Variants in NRXN1 observed in about 807,000 individuals in gnomAD.
NRXN1 encodes the protein neurexin-1.
Under a neutral mutation model 150.9 loss-of-function variants are expected in NRXN1, and 39 were observed. The ratio of observed to expected loss-of-function variants is 0.26; its 90% CI spans 0.20 to 0.34. The LOEUF is 0.34. Ranked by LOEUF, NRXN1 falls within the 10% of genes least tolerant of loss-of-function variation. The pLI is 1.00. For synonymous variants in NRXN1, 924 were observed against 757.0 expected (o/e 1.22, Z -3.62); for missense variants, 1,815 against 1,949.9 (o/e 0.93, Z 1.30).
At chr2:50,520,860 T>C (rs2092768785) in intron 12 of NRXN1, among the ~76,000 whole-genome samples, 1 of 152,046 alleles carries the variant, frequency 6.6e-6, no homozygotes, top group Non-Finnish European at 1.5e-5. Context: ...AACACCTGCA[T>C]TATTTGATTT....
intron 21 of NRXN1, among the ~76,000 whole-genome samples, chr2:50,015,031 T>C (rs1356519504): frequency 6.6e-6 from 1 of 152,152 alleles, no homozygotes; most frequent in African/African-American, 2.4e-5. Context: ...TTTTAAGAGA[T>C]TTTGTTGTAT....
At chr2:50,394,496 A>T (rs993282330) in intron 17 of NRXN1, among the ~76,000 whole-genome samples, 10 of 151,960 alleles carry the variant, frequency 6.6e-5, no homozygotes, top group African/African-American at 2.2e-4. Context: ...CCACACCTCT[A>T]ATCTGTCGGC....
chr2:50,844,009 G>C (rs959904795), intron 5 of NRXN1, among the ~76,000 whole-genome samples: 2 of 152,070 alleles, frequency 1.3e-5, no homozygotes, highest in African/African-American at 4.8e-5. Context: ...CCACAGCCTG[G>C]TCTAGGTGGT....
intron 8 of NRXN1, among the ~76,000 whole-genome samples, chr2:50,560,372 G>C (rs1319990203): frequency 2.0e-5 from 3 of 152,108 alleles, no homozygotes; most frequent in Non-Finnish European, 2.9e-5. Context: ...CTAGTGGATA[G>C]GGAAGACAGT....
chr2:49,976,732 T>C (rs916562561), intron 21 of NRXN1, among the ~76,000 whole-genome samples: 1 of 152,188 alleles, frequency 6.6e-6, no homozygotes, highest in South Asian at 2.1e-4. Flanking sequence ...CTTTTATCTA[T>C]GAATGCAAAT....
chr2:50,312,715 T>C (rs1352225457), intron 17 of NRXN1: 1 of 515,252 alleles, frequency 1.9e-6, no homozygotes, highest in Non-Finnish European at 3.9e-6. Context: ...TAGAAAATGC[T>C]TCTATCAGAT....
At chr2:50,472,825 GTGTGTA>G (rs1239642433) in intron 15 of NRXN1, among the ~76,000 whole-genome samples, 4 of 78,488 alleles carry the variant, frequency 5.1e-5, no homozygotes, top group African/African-American at 1.4e-4. Flanking sequence ...GTGTGTGTGT[GTGTGTA>G]TATATATATA....
At chr2:50,848,325 T>C (rs1673993632) in intron 5 of NRXN1, among the ~76,000 whole-genome samples, 1 of 152,168 alleles carries the variant, frequency 6.6e-6, no homozygotes, top group Non-Finnish European at 1.5e-5. Flanking sequence ...AAGCTCCAAG[T>C]TGCTGGCACT....
Position 50,865,658 on chromosome 2 carries a change from GTTTTTTTTTTT to G in NRXN1, c.832+56200_832+56210del, listed in dbSNP as rs71404978. 7.4e-4 allele frequency among the ~76,000 whole-genome samples: 31 copies of G among 41,860 alleles called. 1 individual carries two copies. Among genetic ancestry groups the G allele is most frequent in the South Asian group, 1.2e-3 (1 of 804 alleles). 27.5% of individuals were successfully genotyped at this position (41,860 alleles called of 152,430 possible). On this transcript the variant is annotated intron_variant, in intron 5 of 22. Transcript: ENST00000401669. ...AGTAATTCCCAGTAAGCATTTGAAAGTTTTTTTTTTTTTTTTTTTTTTTTTTTTGGTGGTGG... is the reference window on the plus strand; with the variant it reads ...AGTAATTCCCAGTAAGCATTTGAAAGTTTTTTTTTTTTTTTTTGGTGGTGG...
At chr2:50,993,052 G>A (rs778415395) in intron 2 of NRXN1, among the ~76,000 whole-genome samples, 2 of 151,836 alleles carry the variant, frequency 1.3e-5, no homozygotes, top group African/African-American at 2.4e-5. Context: ...TAAATACAAG[G>A]ACATACAAAG....
chr2:50,886,319 T>G (rs1381139693), intron 5 of NRXN1, among the ~76,000 whole-genome samples: 3 of 151,476 alleles, frequency 2.0e-5, no homozygotes, highest in Non-Finnish European at 3.0e-5. Flanking sequence ...TTGTCAAATT[T>G]TTATCTAGAT....
chr2:49,996,482 A>C (rs1195543693), intron 21 of NRXN1, among the ~76,000 whole-genome samples: 5 of 152,224 alleles, frequency 3.3e-5, no homozygotes, highest in Non-Finnish European at 7.3e-5. Flanking sequence ...TTTTTAAATA[A>C]GTTAACTGAC....
intron 22 of NRXN1, among the ~76,000 whole-genome samples, chr2:49,936,437 A>G (rs116433045): frequency 0.015 from 2,252 of 152,106 alleles, 31 homozygotes; most frequent in Middle Eastern, 0.044. Flanking sequence ...TATTTGTTAA[A>G]CCCTTAGTAT....
chr2:50,514,078 C>A (rs1254070795), intron 12 of NRXN1, among the ~76,000 whole-genome samples: 1 of 152,142 alleles, frequency 6.6e-6, no homozygotes, highest in Non-Finnish European at 1.5e-5. Flanking sequence ...ATTGTAATTT[C>A]TACTTTAAAA....
At chr2:50,081,311 G>A (rs911845750) in intron 19 of NRXN1, among the ~76,000 whole-genome samples, 3 of 152,204 alleles carry the variant, frequency 2.0e-5, no homozygotes, top group Admixed American at 6.5e-5. Flanking sequence ...AGGCGCAGTG[G>A]CTCATGCCTG....
intron 19 of NRXN1, among the ~76,000 whole-genome samples, chr2:50,088,144 A>T (rs915821281): frequency 1.3e-5 from 2 of 152,142 alleles, no homozygotes; most frequent in Non-Finnish European, 2.9e-5. Flanking sequence ...CATAAAATAC[A>T]TATACTAGAC....
At chr2:50,965,175 T>A (rs1693863004) in intron 2 of NRXN1, among the ~76,000 whole-genome samples, 1 of 151,302 alleles carries the variant, frequency 6.6e-6, no homozygotes, top group Non-Finnish European at 1.5e-5. Context: ...TATATAGATA[T>A]ACGATATATT....
intron 5 of NRXN1, among the ~76,000 whole-genome samples, chr2:50,891,636 C>T (rs543164379): frequency 1.3e-5 from 2 of 152,022 alleles, no homozygotes; most frequent in African/African-American, 4.8e-5. Flanking sequence ...AATCACATGC[C>T]AAGGCTAGAG....
chr2:50,746,233 G>A (rs563834019), intron 5 of NRXN1, among the ~76,000 whole-genome samples: 1 of 152,136 alleles, frequency 6.6e-6, no homozygotes, highest in South Asian at 2.1e-4. Context: ...CTGGTGTGAG[G>A]GGCTGGTGAG....
Sources: gnomAD v4.1 joint callset for allele counts (sites outside exome capture counted in the v4.1 genomes callset) on GRCh38, gnomAD v4.1.1 for gene constraint, MANE v1.5 for transcripts, NCBI Gene and HGNC (gene_info 2026-07-23, HGNC 2026-07-21) for gene names.